LAMA2: variants seen among roughly 807,000 people sequenced by gnomAD.
The protein encoded by LAMA2 is laminin subunit alpha 2, also known as laminin subunit alpha-2.
In LAMA2, 269 loss-of-function variants were observed where a neutral mutation model predicts 364.8. That is an observed-to-expected ratio of 0.74 (90% CI 0.67 to 0.82). LAMA2 has a LOEUF of 0.82. Ranked by LOEUF, LAMA2 falls within the 40% of genes least tolerant of loss-of-function variation. The pLI is 0.00. For missense variants in LAMA2, 3,807 were observed against 3,873.2 expected, an observed-to-expected ratio of 0.98 and a Z score of 0.45; for synonymous variants, 1,379 against 1,370.6, an observed-to-expected ratio of 1.01 and a Z score of -0.14.
At chr6:129,196,662 C>T (rs1335231243) in intron 12 of LAMA2, among the ~76,000 whole-genome samples, 1 of 152,152 alleles carries the variant, frequency 6.6e-6, no homozygotes, top group Non-Finnish European at 1.5e-5. Context: ...CCATAACTTC[C>T]TCCTATTTAA....
chr6:129,009,926 G>A (rs923527882), intron 1 of LAMA2, among the ~76,000 whole-genome samples: 1 of 152,142 alleles, frequency 6.6e-6, no homozygotes, highest in African/African-American at 2.4e-5. Context: ...TATTAAAGGT[G>A]AGATTAAAAA....
At chr6:129,169,366 C>T (rs555105751) in intron 9 of LAMA2, among the ~76,000 whole-genome samples, 1 of 149,308 alleles carries the variant, frequency 6.7e-6, no homozygotes, top group South Asian at 2.1e-4. Context: ...GAGTTTTTAG[C>T]ATGAAGGGTT....
intron 4 of LAMA2, among the ~76,000 whole-genome samples, chr6:129,128,064 A>C (rs907630343): frequency 2.0e-5 from 3 of 152,166 alleles, no homozygotes; most frequent in African/African-American, 7.2e-5. Context: ...AATTCAAAAC[A>C]TTATTACCCA....
chr6:129,327,882 A>T (rs1212924259), intron 28 of LAMA2, among the ~76,000 whole-genome samples: 1 of 152,178 alleles, frequency 6.6e-6, no homozygotes, highest in African/African-American at 2.4e-5. Context: ...GCTGTGTTTC[A>T]TTGGACATTT....
intron 17 of LAMA2, among the ~76,000 whole-genome samples, chr6:129,272,711 G>C (rs1033338625): frequency 4.6e-5 from 7 of 152,284 alleles, no homozygotes; most frequent in Admixed American, 2.0e-4. Flanking sequence ...TAGGAACCGG[G>C]CTGCCTAGCA....
chr6:129,187,438 A>T (rs1781292825), intron 10 of LAMA2, among the ~76,000 whole-genome samples: 1 of 151,812 alleles, frequency 6.6e-6, no homozygotes, highest in Admixed American at 6.6e-5. Flanking sequence ...TCTTTATGCC[A>T]ATGTCTCACA....
In LAMA2 at chr6:129,380,562, C is replaced by T. The variant is rs183108243; in HGVS notation, c.4960-2560C>T. ...GTCCTGCTGCAGGAAGTGTGGAAAC[C>T]TAGGTAGCACCCTGGGAATGGCCAC... On this transcript the variant is annotated intron_variant, in intron 34 of 64. Transcript: ENST00000421865. Among the ~76,000 whole-genome samples the T allele has an allele frequency of 2.6e-5, 4 of 152,186 alleles. No homozygotes were observed. In the East Asian group the frequency reaches 7.7e-4, roughly 29 times the overall value.
chr6:128,989,593 C>G (rs1164953186), intron 1 of LAMA2, among the ~76,000 whole-genome samples: 1 of 152,170 alleles, frequency 6.6e-6, no homozygotes, highest in East Asian at 1.9e-4. Flanking sequence ...TGAGATAAAG[C>G]ATACAAAGGG....
chr6:129,393,044 G>A lies in LAMA2; in HGVS notation c.5235-1G>A, dbSNP rs1779406142. ...TATTATTGGGCTGGGGGTGGTTACA[G>A]AGCTGCAGAAGCCCTTCTGAAAAAA... is the stretch of plus-strand genomic sequence containing the variant. On this transcript the variant is annotated splice_acceptor_variant, in intron 36 of 64. Transcript: ENST00000421865. LOFTEE classifies it high-confidence loss of function. 1 of 1,612,598 alleles carries A rather than the reference G, an allele frequency of 6.2e-7. No individual in the cohort carries two copies.
In LAMA2 at chr6:129,492,055, T is replaced by G; in HGVS notation, c.8053T>G (p.Trp2685Gly). 6.2e-7 allele frequency: 1 copy of G among 1,614,006 alleles called. No homozygotes were observed. The highest frequency in any genetic ancestry group is 8.5e-7 in the Non-Finnish European group (1 of 1,179,874). ...RNIPPFEGCI[W>G]NLVINSVPMD... The stretch of plus-strand genomic sequence containing the variant: ...TATTCCTCCTTTTGAAGGCTGCATA[T>G]GGAATCTTGTTATTAACTCTGTGTA... Residue 2685 changes from tryptophan to glycine, a missense_variant, in exon 57 of 65, where the codon TGG (tryptophan) becomes GGG (glycine). This residue lies in a region of LAMA2 where 3,333 missense variants were observed against 3,345.7 expected (regional missense o/e 1.00). Transcript: ENST00000421865.
intron 48 of LAMA2, among the ~76,000 whole-genome samples, chr6:129,458,176 A>G (rs1321282827): frequency 1.3e-5 from 2 of 152,116 alleles, no homozygotes; most frequent in Non-Finnish European, 2.9e-5. Context: ...TAATAGGCAC[A>G]GTGGTCTTCA....
At chr6:129,068,543 G>A (rs1773090826) in intron 3 of LAMA2, among the ~76,000 whole-genome samples, 2 of 152,108 alleles carry the variant, frequency 1.3e-5, no homozygotes, top group African/African-American at 2.4e-5. Context: ...CCATTCTTGG[G>A]GGCTCTGTCC....
At chr6:129,425,354 T>C (rs551009521) in intron 40 of LAMA2, among the ~76,000 whole-genome samples, 46 of 152,226 alleles carry the variant, frequency 3.0e-4, no homozygotes, top group Non-Finnish European at 4.7e-4. Flanking sequence ...CTTTCACTGT[T>C]GTTTGGGCCA....
chr6:129,280,193 A>C lies in LAMA2; in HGVS notation c.2537+46A>C, dbSNP rs151115248. 1.2e-5 allele frequency: 16 copies of C among 1,280,622 alleles called. No individual in the cohort carries two copies. In the East Asian group the frequency reaches 3.0e-4, roughly 24 times the overall value. 79.3% of individuals were successfully genotyped at this position (1,280,622 alleles called of 1,614,324 possible). A position where few individuals can be genotyped will look rare whatever the true frequency, so the allele number is the denominator to read the frequency against. On this transcript the variant is annotated intron_variant, in intron 18 of 64. Coordinates refer to ENST00000421865, the MANE Select transcript of LAMA2 (RefSeq NM_000426.4). ...CTTGCAAAATGATTTCTACCTTGGG[A>C]GTTATAAAACCGCAGATACAATCAT...
At chr6:128,884,567 A>G (rs940056095) in intron 1 of LAMA2, among the ~76,000 whole-genome samples, 3 of 152,164 alleles carry the variant, frequency 2.0e-5, no homozygotes, top group Non-Finnish European at 4.4e-5. Context: ...TCTTTCTATA[A>G]TAATAACTCC....
rs1777983774 is a variant in LAMA2, at chr6:129,369,998, G to A, written c.4959+8G>A. 7 of 1,610,848 alleles carry A rather than the reference G, an allele frequency of 4.3e-6. No individual in the cohort carries two copies. Among genetic ancestry groups the A allele is most frequent in the Non-Finnish European group, 5.9e-6 (7 of 1,177,296 alleles). The stretch of plus-strand genomic sequence containing the variant: ...AACGAGCTGCTGACCAGGGTAAGGT[G>A]GCAAAATTATGAATCTTCTGAAAGC... On this transcript the variant is annotated splice_region_variant and intron_variant, in intron 34 of 64. Coordinates refer to ENST00000421865, the MANE Select transcript of LAMA2 (RefSeq NM_000426.4).
At chr6:129,159,711 T>C (rs1389752065) in intron 8 of LAMA2, among the ~76,000 whole-genome samples, 1 of 152,224 alleles carries the variant, frequency 6.6e-6, no homozygotes, top group Non-Finnish European at 1.5e-5. Context: ...AATATTTCAC[T>C]ATGGAGTATG....
chr6:129,252,604 C>T (rs575449873), intron 14 of LAMA2, among the ~76,000 whole-genome samples: 2 of 152,270 alleles, frequency 1.3e-5, no homozygotes, highest in Non-Finnish European at 1.5e-5. Context: ...TATGATGGCT[C>T]ATAGCGTGGG....
chr6:129,129,940 A>C (rs111711642), intron 4 of LAMA2, among the ~76,000 whole-genome samples: 1 of 150,442 alleles, frequency 6.6e-6, no homozygotes, highest in Admixed American at 6.6e-5. Context: ...AAAAAAAAAA[A>C]AAATAACATA....
Sources: allele counts gnomAD v4.1 joint callset (sites outside exome capture counted in the v4.1 genomes callset), GRCh38; gene constraint gnomAD v4.1.1; regional missense constraint gnomAD v4.1.1; transcripts MANE v1.5; gene names NCBI Gene and HGNC (gene_info 2026-07-23, HGNC 2026-07-21).